Variants in DPEP1 observed in about 807,000 individuals in gnomAD.
DPEP1 encodes the protein beta-lactamase.
A neutral mutation model predicts 42.3 loss-of-function variants in DPEP1; 50 were observed. That is an observed-to-expected ratio of 1.18 (90% CI 0.94 to 1.50). The LOEUF (loss-of-function observed/expected upper bound fraction) is 1.50, where lower values mean the gene tolerates loss of function less well. Ranked by LOEUF, DPEP1 falls within the 40% of genes most tolerant of loss-of-function variation. The probability of loss-of-function intolerance (pLI) is 0.00; values close to 1 mark genes in which losing one functional copy is unlikely to be tolerated. For missense variants in DPEP1, 663 were observed against 553.0 expected (o/e 1.20, Z -1.99); for synonymous variants, 297 against 234.0 (o/e 1.27, Z -2.46).
Position 89,638,132 on chromosome 16 carries a change from C to T in DPEP1, c.1146C>T (p.Gly382=). The T allele has an allele frequency of 5.0e-6, 8 of 1,612,108 alleles. No homozygotes were observed. The highest frequency in any genetic ancestry group is 6.8e-6 in the Non-Finnish European group (8 of 1,179,674). The change falls in exon 11 of 11, where the codon GGC becomes GGT. Residue 382 remains glycine (G), a synonymous_variant. Coordinates refer to ENST00000690203, the MANE Select transcript of DPEP1 (RefSeq NM_001389466.1). ...GTGGCTCCTGCAGGACCCATTACGG[C>T]TACTCCTCTGGGGCTTCCAGCCTCC... ...QLGGSCRTHY[G]YSSGASSLHR...
intron 1 of DPEP1, among the ~76,000 whole-genome samples, chr16:89,622,037 G>A (rs765059696): frequency 6.6e-6 from 1 of 152,284 alleles, no homozygotes; most frequent in East Asian, 1.9e-4. Context: ...GCTGTCACCT[G>A]CGTCTCGACA....
chr16:89,637,684 T>C lies in DPEP1; in HGVS notation c.906T>C (p.Gly302=), dbSNP rs774261502. The change falls in exon 9 of 11, where the codon GGT becomes GGC. Residue 302 remains glycine, a synonymous_variant. Transcript: ENST00000690203. ...EVAGARAVGF[G]GDFDGVPRVP... is the part of the protein sequence containing the mutation. ...CAGGAGCCAGAGCCGTGGGTTTTGG[T>C]GGGGACTTTGATGGTGTTCCAAGGT... 8.1e-5 allele frequency: 130 copies of C among 1,612,742 alleles called. No individual in the cohort carries two copies. The highest frequency in any genetic ancestry group is 1.1e-4 in the Non-Finnish European group (125 of 1,179,944).
chr16:89,623,045 C>T (rs1269092552), intron 1 of DPEP1, among the ~76,000 whole-genome samples: 3 of 151,974 alleles, frequency 2.0e-5, no homozygotes, highest in African/African-American at 7.2e-5. Flanking sequence ...AAGAACTGGC[C>T]CCAGGACCAC....
At chr16:89,634,291 G>C (rs562587845) in intron 2 of DPEP1, among the ~76,000 whole-genome samples, 1 of 152,064 alleles carries the variant, frequency 6.6e-6, no homozygotes, top group East Asian at 1.9e-4. Context: ...GTTTCACCAT[G>C]TTAGCCAGGA....
At chr16:89,637,142 C>G (rs1047866071) in intron 6 of DPEP1, 62 bp from the exon 7 acceptor site, 2 of 1,571,508 alleles carry the variant, frequency 1.3e-6, no homozygotes, top group Non-Finnish European at 1.7e-6. Context: ...TGGTCCAGCC[C>G]GTCCACCTCC....
At position 89,638,143 on chromosome 16, in the gene DPEP1, G is replaced by T. The variant is rs113205535; in HGVS notation, c.1157G>T (p.Gly386Val). 1 of 1,611,152 alleles carries T rather than the reference G, an allele frequency of 6.2e-7. No individual in the cohort carries two copies. Reference protein sequence around the residue: ...SCRTHYGYSSGASSLHRHWGL... With the variant: ...SCRTHYGYSSVASSLHRHWGL... ...AGGACCCATTACGGCTACTCCTCTGGGGCTTCCAGCCTCCATCGCCACTGG... is the reference window on the plus strand; with the variant it reads ...AGGACCCATTACGGCTACTCCTCTGTGGCTTCCAGCCTCCATCGCCACTGG... The change falls in exon 11 of 11, where the codon GGG (glycine) becomes GTG (valine). Residue 386 changes from glycine (G) to valine (V), a missense_variant. Gly to Val is a moderately radical substitution (Grantham distance 109). Coordinates refer to ENST00000690203, the MANE Select transcript of DPEP1 (RefSeq NM_001389466.1).
chr16:89,614,737 G>T (rs541918365), intron 1 of DPEP1, among the ~76,000 whole-genome samples: 1 of 152,240 alleles, frequency 6.6e-6, no homozygotes, highest in Non-Finnish European at 1.5e-5. Context: ...GGAGGTTGCG[G>T]TGAGCTGAGA....
At chr16:89,635,846 T>G in intron 2 of DPEP1, 62 bp from the exon 3 acceptor site, 1 of 1,522,204 alleles carries the variant, frequency 6.6e-7, no homozygotes, top group Non-Finnish European at 8.8e-7. Flanking sequence ...GGCCAGGAGC[T>G]CGGAAGCCCC....
chr16:89,625,081 G>A (rs1308018183), intron 1 of DPEP1, among the ~76,000 whole-genome samples: 3 of 152,148 alleles, frequency 2.0e-5, no homozygotes, highest in African/African-American at 4.8e-5. Context: ...GGAAGTTGGT[G>A]TTAATTGGCC....
intron 1 of DPEP1, among the ~76,000 whole-genome samples, chr16:89,621,023 C>A (rs1001559028): frequency 6.6e-6 from 1 of 151,832 alleles, no homozygotes; most frequent in African/African-American, 2.4e-5. Flanking sequence ...CAGCTCGTGC[C>A]ATCACGGGCA....
At chr16:89,618,294 G>A (rs1325092247) in intron 1 of DPEP1, among the ~76,000 whole-genome samples, 2 of 152,150 alleles carry the variant, frequency 1.3e-5, no homozygotes, top group Admixed American at 6.5e-5. Context: ...ACGGCTCACT[G>A]TAGCTTAAAC....
intron 1 of DPEP1, among the ~76,000 whole-genome samples, chr16:89,616,696 C>G (rs750495842): frequency 6.6e-6 from 1 of 152,176 alleles, no homozygotes; most frequent in African/African-American, 2.4e-5. Flanking sequence ...CCCCTCAGCA[C>G]ACTCCGCGAA....
intron 1 of DPEP1, among the ~76,000 whole-genome samples, chr16:89,618,124 T>C (rs997140315): frequency 2.6e-5 from 4 of 152,234 alleles, no homozygotes; most frequent in Non-Finnish European, 4.4e-5. Context: ...CTTCATATTG[T>C]GTAATACTTG....
At chr16:89,622,294 A>G (rs2059454874) in intron 1 of DPEP1, among the ~76,000 whole-genome samples, 2 of 152,186 alleles carry the variant, frequency 1.3e-5, no homozygotes, top group Admixed American at 1.3e-4. Context: ...GGGCCTGGGC[A>G]GGACAAAGGA....
intron 3 of DPEP1, 24 bp from the exon 4 acceptor site, chr16:89,636,240 C>T: frequency 6.3e-7 from 1 of 1,595,250 alleles, no homozygotes; most frequent in Non-Finnish European, 8.5e-7. Context: ...TGCATCAGCT[C>T]CTGGCACCCC....
intron 2 of DPEP1, among the ~76,000 whole-genome samples, chr16:89,632,348 C>G (rs1196605939): frequency 5.9e-5 from 9 of 152,202 alleles, no homozygotes; most frequent in Admixed American, 5.9e-4. Flanking sequence ...CCACCGCGCC[C>G]GGCCGGGGGT....
Position 89,635,974 on chromosome 16 carries a change from C to G in DPEP1, c.171C>G (p.Asn57Lys). 2 of 1,612,406 alleles carry G rather than the reference C, an allele frequency of 1.2e-6. No homozygotes were observed. The highest frequency in any genetic ancestry group is 1.1e-5 in the South Asian group (1 of 91,044). ...ACCGGCTGCAGGACGAGAGGGCCAA[C>G]CTGACCACCTTGGCCGGCACACACA... ...FNNRLQDERANLTTLAGTHTN... is the reference protein window; with the variant it reads ...FNNRLQDERAKLTTLAGTHTN... Residue 57 changes from asparagine (N) to lysine (K), a missense_variant, in exon 3 of 11, where the codon AAC (asparagine) becomes AAG (lysine). Transcript: ENST00000690203.
chr16:89,630,260 A>G, intron 1 of DPEP1, 45 bp from the exon 2 acceptor site: 1 of 545,866 alleles, frequency 1.8e-6, no homozygotes. Context: ...GAGAGCAGCC[A>G]CCTGTCATCA....
intron 1 of DPEP1, among the ~76,000 whole-genome samples, chr16:89,617,465 C>T (rs142046368): frequency 1.1e-4 from 17 of 152,330 alleles, no homozygotes; most frequent in Non-Finnish European, 2.2e-4. Flanking sequence ...GAAGCATCCA[C>T]GCCAGGAGGT....
Sources: gnomAD v4.1 joint callset for allele counts (sites outside exome capture counted in the v4.1 genomes callset) on GRCh38, gnomAD v4.1.1 for gene constraint, MANE v1.5 for transcripts, NCBI Gene and HGNC (gene_info 2026-07-23, HGNC 2026-07-21) for gene names.